INO80D: variants seen among roughly 807,000 people sequenced by gnomAD.
INO80D encodes INO80 complex subunit D.
In INO80D, 21 loss-of-function variants were observed where a neutral mutation model predicts 87.6. That is an observed-to-expected ratio of 0.24 (90% CI 0.17 to 0.35). INO80D has a LOEUF of 0.35. INO80D is among the 10% of genes least tolerant of loss of function. The pLI is 1.00. For missense variants in INO80D, 982 were observed against 1,280.7 expected, an observed-to-expected ratio of 0.77 and a Z score of 3.56; for synonymous variants, 440 against 491.0, an observed-to-expected ratio of 0.90 and a Z score of 1.37.
intron 9 of INO80D, among the ~76,000 whole-genome samples, 179 bp from the exon 10 acceptor site, chr2:206,007,620 G>A (rs1230129751): frequency 2.0e-5 from 3 of 152,244 alleles, no homozygotes; most frequent in African/African-American, 4.8e-5. Context: ...GCACGAGTTC[G>A]AGATCAGCCT....
chr2:206,054,183 C>CTTT (rs571731107), intron 4 of INO80D, among the ~76,000 whole-genome samples: 5 of 140,182 alleles, frequency 3.6e-5, no homozygotes, highest in Non-Finnish European at 4.7e-5. Context: ...CTTTTCTTTT[C>CTTT]TTTTTTTTTT....
chr2:206,042,635 C>G (rs1372373638), intron 5 of INO80D, among the ~76,000 whole-genome samples: 1 of 147,060 alleles, frequency 6.8e-6, no homozygotes, highest in East Asian at 2.0e-4. Context: ...GAGCCAAAAT[C>G]GTGCCATTGC....
chr2:206,072,006 A>G (rs1689984995), intron 1 of INO80D, among the ~76,000 whole-genome samples: 1 of 152,008 alleles, frequency 6.6e-6, no homozygotes, highest in African/African-American at 2.4e-5. Context: ...ACTTCCTACA[A>G]AACTGGTAGG....
intron 1 of INO80D, among the ~76,000 whole-genome samples, chr2:206,078,673 G>C (rs987337154): frequency 6.6e-6 from 1 of 151,824 alleles, no homozygotes; most frequent in Admixed American, 6.6e-5. Context: ...ACAGCCAGGC[G>C]CGGTGGCTCA....
intron 3 of INO80D, among the ~76,000 whole-genome samples, chr2:206,060,812 G>A (rs1310239272): frequency 2.0e-5 from 3 of 151,882 alleles, no homozygotes; most frequent in Non-Finnish European, 4.4e-5. Flanking sequence ...CACCCACCTC[G>A]GCCTCCCAAA....
chr2:206,016,079 A>G (rs1316964069), intron 8 of INO80D, among the ~76,000 whole-genome samples: 5 of 152,152 alleles, frequency 3.3e-5, no homozygotes, highest in Admixed American at 6.6e-5. Context: ...AGACCCCAGA[A>G]TGGTAGATCT....
Position 206,060,564 on chromosome 2 carries a change from CT to C in INO80D, c.218+2234del, listed in dbSNP as rs375906117. Among the ~76,000 whole-genome samples the C allele has an allele frequency of 5.0e-3, 712 of 143,228 alleles. 14 individuals are homozygous for C. The highest frequency in any genetic ancestry group is 7.4e-3 in the Middle Eastern group (2 of 272). 94.0% of individuals were successfully genotyped at this position (143,228 alleles called of 152,430 possible). A position where few individuals can be genotyped will look rare whatever the true frequency, so the allele number is the denominator to read the frequency against. On this transcript the variant is annotated intron_variant, in intron 3 of 10. Coordinates refer to ENST00000403263, the MANE Select transcript of INO80D (RefSeq NM_017759.5). Reference sequence around the variant, plus strand: ...AAAAAACAACAACAACAACTTAGTGCTTTTTTTTTTTTTGAGACGGAGTTTC... The same window carrying C: ...AAAAAACAACAACAACAACTTAGTGCTTTTTTTTTTTTGAGACGGAGTTTC...
At chr2:206,007,531 C>G in intron 9 of INO80D, 90 bp from the exon 10 acceptor site, 1 of 1,439,424 alleles carries the variant, frequency 6.9e-7, no homozygotes. Context: ...TGAAAAGAAG[C>G]TAACGTCAGG....
At chr2:206,080,275 C>T (rs1303467647) in intron 1 of INO80D, among the ~76,000 whole-genome samples, 1 of 152,168 alleles carries the variant, frequency 6.6e-6, no homozygotes, top group Non-Finnish European at 1.5e-5. Context: ...ACAAACTGCT[C>T]AGTGCCTTCA....
intron 5 of INO80D, among the ~76,000 whole-genome samples, chr2:206,030,649 T>C (rs940947044): frequency 1.3e-5 from 2 of 152,182 alleles, no homozygotes; most frequent in Admixed American, 6.5e-5. Context: ...GTAAGGGGTC[T>C]GTAAGGGAAT....
chr2:206,021,249 G>A (rs1395734066), intron 6 of INO80D, among the ~76,000 whole-genome samples: 1 of 152,032 alleles, frequency 6.6e-6, no homozygotes. Flanking sequence ...AATTAGGTAA[G>A]GCCACACAGA....
At position 206,019,855 on chromosome 2, in the gene INO80D, G is replaced by A; in HGVS notation, c.1299-10C>T. 1 of 1,599,020 alleles carries A rather than the reference G, an allele frequency of 6.3e-7. No homozygotes were observed. Among genetic ancestry groups the A allele is most frequent in the Non-Finnish European group, 8.5e-7 (1 of 1,171,546 alleles). ...CTTGGTCCGGCTTATGCTAAGGAAAGAAAAACAGAGAATTAATTTTTTTTT... is the reference window on the plus strand; with the variant it reads ...CTTGGTCCGGCTTATGCTAAGGAAAAAAAAACAGAGAATTAATTTTTTTTT... On this transcript the variant is annotated splice_polypyrimidine_tract_variant and intron_variant, in intron 6 of 10. Coordinates refer to ENST00000403263, the MANE Select transcript of INO80D (RefSeq NM_017759.5).
In INO80D at chr2:206,075,310, G is replaced by A. The variant is rs565758405; in HGVS notation, c.-124+10591C>T. Among the ~76,000 whole-genome samples, 22 of 152,180 alleles carry A rather than the reference G, an allele frequency of 1.4e-4. No homozygotes were observed. In the East Asian group the frequency reaches 4.1e-3, roughly 28 times the overall value. On this transcript the variant is annotated intron_variant, in intron 1 of 10. Transcript: ENST00000403263. ...CTCCATGTGGAATCTCTATGTCACT[G>A]CTGTTCTTTTGATTCTCCTGTTTCA... is the stretch of plus-strand genomic sequence containing the variant.
chr2:206,046,782 G>T (rs1689206912), intron 4 of INO80D, among the ~76,000 whole-genome samples, 170 bp from the exon 5 acceptor site: 1 of 152,088 alleles, frequency 6.6e-6, no homozygotes, highest in African/African-American at 2.4e-5. Context: ...AAGATAATCG[G>T]TTTGTTTTTG....
chr2:206,032,255 C>G lies in INO80D; in HGVS notation c.1074-3920G>C, dbSNP rs189959043. Among the ~76,000 whole-genome samples, 169 of 152,336 alleles carry G rather than the reference C, an allele frequency of 1.1e-3. 1 individual carries two copies. The highest frequency in any genetic ancestry group is 3.7e-3 in the African/African-American group (154 of 41,574). ...AGGTGGGGAAAGAACCAAAGCCCCT[C>G]TCTTTTGCAGCTGGGAGGCAGGTAG... On this transcript the variant is annotated intron_variant, in intron 5 of 10. Coordinates refer to ENST00000403263, the MANE Select transcript of INO80D (RefSeq NM_017759.5).
chr2:206,031,440 A>G (rs1302101865), intron 5 of INO80D, among the ~76,000 whole-genome samples: 1 of 152,164 alleles, frequency 6.6e-6, no homozygotes, highest in African/African-American at 2.4e-5. Context: ...CTTAAAGGGA[A>G]GGTAAAGCTT....
chr2:206,017,347 T>A (rs1345375453), intron 8 of INO80D, among the ~76,000 whole-genome samples: 1 of 152,242 alleles, frequency 6.6e-6, no homozygotes, highest in East Asian at 1.9e-4. Context: ...GGATTTATGA[T>A]AACTAGCATT....
In INO80D at chr2:205,996,346, T is replaced by C. The variant is rs544361879; in HGVS notation, c.*8022A>G. 6.7e-6 allele frequency: 1 copy of C among 149,862 alleles called. No individual in the cohort carries two copies. Among genetic ancestry groups the C allele is most frequent in the African/African-American group, 2.4e-5 (1 of 40,880 alleles). The allele number at this position is 149,862 out of a possible 1,614,324, so 9.3% of individuals were successfully genotyped here. On this transcript the variant is annotated 3_prime_UTR_variant, in exon 11 of 11. Transcript: ENST00000403263. ...GTGTGATTTTTTTTTTTTTTTTAAGTGATGAAAGACTGACCAGTAGAAGGT... is the reference window on the plus strand; with the variant it reads ...GTGTGATTTTTTTTTTTTTTTTAAGCGATGAAAGACTGACCAGTAGAAGGT...
intron 4 of INO80D, among the ~76,000 whole-genome samples, chr2:206,048,086 ACCTTGTGAT>A (rs1689248145): frequency 6.6e-6 from 1 of 151,854 alleles, no homozygotes; most frequent in African/African-American, 2.4e-5. Flanking sequence ...CGATCTCCTG[ACCTTGTGAT>A]CCACCCGCCT....
Sources: allele counts gnomAD v4.1 joint callset (sites outside exome capture counted in the v4.1 genomes callset), GRCh38; gene constraint gnomAD v4.1.1; transcripts MANE v1.5; gene names NCBI Gene and HGNC (gene_info 2026-07-23, HGNC 2026-07-21).